The following NUP210 variants were observed in gnomAD, a reference collection of about 807,000 sequenced individuals.
NUP210 encodes nucleoporin 210.
In NUP210, 151 loss-of-function variants were observed where a neutral mutation model predicts 196.0. The observed-to-expected ratio is 0.77, with a 90% confidence interval of 0.67 to 0.88. NUP210 has a LOEUF of 0.88. Ranked by LOEUF, NUP210 falls within the 40% of genes least tolerant of loss-of-function variation. NUP210 has a pLI of 0.00. For synonymous variants in NUP210, 1,070 were observed against 1,052.7 expected, an observed-to-expected ratio of 1.02 and a Z score of -0.32; for missense variants, 2,314 against 2,493.7, an observed-to-expected ratio of 0.93 and a Z score of 1.53.
At position 13,373,828 on chromosome 3, in the gene NUP210, G is replaced by A. The variant is rs761795857; in HGVS notation, c.1477C>T (p.Leu493=). 23 of 1,614,066 alleles carry A rather than the reference G, an allele frequency of 1.4e-5. No homozygotes were observed. The highest frequency in any genetic ancestry group is 1.9e-5 in the Non-Finnish European group (23 of 1,179,976). ...GNFSWSSSSH[L]VATVTVKGVM... The stretch of plus-strand genomic sequence containing the variant: ...CCCTTGACAGTAACTGTGGCAACCA[G>A]GTGGCTTGACGAAGACCAGCTGAAG... Residue 493 remains leucine, a synonymous_variant, in exon 12 of 40, where the codon CTG becomes TTG. Coordinates refer to ENST00000254508, the MANE Select transcript of NUP210 (RefSeq NM_024923.4).
intron 1 of NUP210, 102 bp downstream of exon 1, chr3:13,419,958 C>A (rs1477980022): frequency 1.6e-5 from 12 of 745,236 alleles, no homozygotes; most frequent in Non-Finnish European, 1.7e-5. Context: ...GAGCGCGCCG[C>A]GCACCTGCCG....
chr3:13,347,399 G>T lies in NUP210; in HGVS notation c.2836-4096C>A. 1.1e-6 allele frequency: 1 copy of T among 919,722 alleles called. No individual in the cohort carries two copies. The highest frequency in any genetic ancestry group is 1.3e-6 in the Non-Finnish European group (1 of 770,216). 57.0% of individuals were successfully genotyped at this position (919,722 alleles called of 1,614,324 possible). On this transcript the variant is annotated intron_variant, in intron 20 of 39. Coordinates refer to ENST00000254508, the MANE Select transcript of NUP210 (RefSeq NM_024923.4). This position sits in a 1 kb window ranked among gnomAD's most constrained non-coding sequence, Gnocchi z 4.7. ...TTGAAATGTAAAGAATCGTTGAAAA[G>T]AAGGAAAACTTAGGCTTAAATCGGA... is the stretch of plus-strand genomic sequence containing the variant.
At position 13,340,028 on chromosome 3, in the gene NUP210, G is replaced by A. The variant is rs746720631; in HGVS notation, c.3297C>T (p.Thr1099=). ...TLLIGATMQV[T]SEGGPQPQSN... ...ACTGAGGCTGGGGGCCGCCCTCGGA[G>A]GTGACCTGAGCGGGGAGGAAACAGC... Residue 1099 remains threonine, a synonymous_variant, in exon 25 of 40, where the codon ACC becomes ACT. Transcript: ENST00000254508. This position sits in a 1 kb window ranked among gnomAD's most constrained non-coding sequence, Gnocchi z 4.0. 12 of 1,613,658 alleles carry A rather than the reference G, an allele frequency of 7.4e-6. No homozygotes were observed. The East Asian group carries it at 2.7e-4, about 36-fold the overall frequency.
chr3:13,406,964 G>C (rs775795881), intron 1 of NUP210, among the ~76,000 whole-genome samples: 3 of 151,796 alleles, frequency 2.0e-5, no homozygotes, highest in Non-Finnish European at 4.4e-5. Flanking sequence ...TGGCTCACTC[G>C]GTTCTCTCAT....
chr3:13,399,692 C>A, intron 2 of NUP210, 33 bp downstream of exon 2: 1 of 1,613,744 alleles, frequency 6.2e-7, no homozygotes, highest in Non-Finnish European at 8.5e-7. Context: ...CTCTGGCTCC[C>A]ACCGGGGATC....
chr3:13,420,320 G>C lies in NUP210; in HGVS notation c.-94C>G. 1 of 820,856 alleles carries C rather than the reference G, an allele frequency of 1.2e-6. No individual in the cohort carries two copies. Among genetic ancestry groups the C allele is most frequent in the Non-Finnish European group, 1.5e-6 (1 of 677,358 alleles). The allele number at this position is 820,856 out of a possible 1,614,324, so 50.8% of individuals were successfully genotyped here. Reference sequence around the variant, plus strand: ...CGCCCGCGCGCGCGCCAGGCCAGCAGGTGATGAGCGCGGGGGCGGGGCGAG... The same window carrying C: ...CGCCCGCGCGCGCGCCAGGCCAGCACGTGATGAGCGCGGGGGCGGGGCGAG... On this transcript the variant is annotated 5_prime_UTR_variant, in exon 1 of 40. Transcript: ENST00000254508. This position sits in a 1 kb window ranked among gnomAD's most constrained non-coding sequence, Gnocchi z 4.8.
At chr3:13,338,089 C>T (rs1697301394) in intron 25 of NUP210, among the ~76,000 whole-genome samples, 172 bp from the exon 26 acceptor site, 1 of 152,178 alleles carries the variant, frequency 6.6e-6, no homozygotes, top group African/African-American at 2.4e-5. Flanking sequence ...TTGTGAGTGG[C>T]TCTCCCCTCA....
intron 1 of NUP210, among the ~76,000 whole-genome samples, chr3:13,415,632 TG>T (rs1376336778): frequency 6.6e-6 from 1 of 152,160 alleles, no homozygotes; most frequent in Non-Finnish European, 1.5e-5. Context: ...AAGAGCAAAC[TG>T]GGGGCCTCCC....
intron 9 of NUP210, 108 bp downstream of exon 9, chr3:13,377,348 G>A (rs1310515392): frequency 1.3e-5 from 10 of 764,720 alleles, no homozygotes; most frequent in East Asian, 7.9e-5. Flanking sequence ...ACCCCTCCTC[G>A]GTCAGCCTGC....
intron 2 of NUP210, among the ~76,000 whole-genome samples, chr3:13,398,348 CAGA>C (rs1699732915): frequency 6.6e-6 from 1 of 152,042 alleles, no homozygotes; most frequent in Admixed American, 6.5e-5. Flanking sequence ...GAGGCTGAGG[CAGA>C]AGAATTGCTT....
intron 14 of NUP210, among the ~76,000 whole-genome samples, chr3:13,363,044 A>T (rs933812851): frequency 3.3e-5 from 5 of 152,140 alleles, no homozygotes; most frequent in Non-Finnish European, 2.9e-5. Flanking sequence ...TAATGTCTAC[A>T]AGGCTGTTTC....
chr3:13,379,084 G>A lies in NUP210; in HGVS notation c.977-104C>T. ...CCTGATCATCAAGACATCACATGGA[G>A]AGAAGAAGAGGGGATGAAAACTCCC... On this transcript the variant is annotated intron_variant, in intron 7 of 39. Transcript: ENST00000254508. This position sits in a 1 kb window ranked among gnomAD's most constrained non-coding sequence, Gnocchi z 4.2. 1.0e-6 allele frequency: 1 copy of A among 973,080 alleles called. No individual in the cohort carries two copies. The highest frequency in any genetic ancestry group is 1.7e-6 in the Non-Finnish European group (1 of 603,344). The allele number at this position is 973,080 out of a possible 1,614,324, so 60.3% of individuals were successfully genotyped here. A position where few individuals can be genotyped will look rare whatever the true frequency, so the allele number is the denominator to read the frequency against.
chr3:13,329,780 G>A (rs1369228587), intron 30 of NUP210, among the ~76,000 whole-genome samples: 1 of 152,198 alleles, frequency 6.6e-6, no homozygotes, highest in Non-Finnish European at 1.5e-5. Flanking sequence ...AAAACCCCAG[G>A]ACCTGACCCA....
At position 13,348,174 on chromosome 3, in the gene NUP210, G is replaced by A. The variant is rs983666852; in HGVS notation, c.2835+3705C>T. 1 of 155,902 alleles carries A rather than the reference G, an allele frequency of 6.4e-6. No individual in the cohort carries two copies. The highest frequency in any genetic ancestry group is 1.9e-4 in the East Asian group (1 of 5,190). The allele number at this position is 155,902 out of a possible 1,614,324, so 9.7% of individuals were successfully genotyped here. ...GCACTCCTAGAATTGCAGCATTTTA[G>A]GATTCAAGAGGGGTTTAAAGGTCTC... is the stretch of plus-strand genomic sequence containing the variant. On this transcript the variant is annotated intron_variant, in intron 20 of 39. Coordinates refer to ENST00000254508, the MANE Select transcript of NUP210 (RefSeq NM_024923.4). This position sits in a 1 kb window ranked among gnomAD's most constrained non-coding sequence, Gnocchi z 4.0.
intron 16 of NUP210, among the ~76,000 whole-genome samples, chr3:13,357,566 G>A (rs1017094856): frequency 2.0e-5 from 3 of 152,096 alleles, no homozygotes; most frequent in Non-Finnish European, 2.9e-5. Flanking sequence ...CTCTGAAAAG[G>A]GGCTGGGGGC....
intron 8 of NUP210, 23 bp downstream of exon 8, chr3:13,378,889 G>A (rs1427265211): frequency 1.3e-6 from 2 of 1,572,938 alleles, no homozygotes; most frequent in Non-Finnish European, 1.8e-6. Flanking sequence ...GCATCCATGA[G>A]GGCCCAGGAG....
intron 6 of NUP210, among the ~76,000 whole-genome samples, chr3:13,381,489 T>G (rs6783861): frequency 0.58 from 86,778 of 149,366 alleles, 26,420 homozygotes; most frequent in African/African-American, 0.77. Flanking sequence ...CTTTCTTAGG[T>G]GCAATCACAG....
In NUP210 at chr3:13,376,557, G is replaced by C; in HGVS notation, c.1153-126C>G. ...AGGCCAAGGGGCCCCCTGGGGCTCA[G>C]CAGCCTCCACTAGCAGCAGACGGGT... On this transcript the variant is annotated intron_variant, in intron 9 of 39. Coordinates refer to ENST00000254508, the MANE Select transcript of NUP210 (RefSeq NM_024923.4). 7 of 976,928 alleles carry C rather than the reference G, an allele frequency of 7.2e-6. No individual in the cohort carries two copies. The South Asian group carries it at 1.1e-4, about 15-fold the overall frequency. 60.5% of individuals were successfully genotyped at this position (976,928 alleles called of 1,614,324 possible).
Position 13,342,133 on chromosome 3 carries a change from G to A in NUP210, c.2965-10C>T, listed in dbSNP as rs1181832592. On this transcript the variant is annotated splice_polypyrimidine_tract_variant and intron_variant, in intron 21 of 39. Transcript: ENST00000254508. ...TCTTCCCAATCTCCACCTGCATCAT[G>A]GGGACAGAGGTTCAGGGGCAGCCTC... 3.7e-6 allele frequency: 6 copies of A among 1,613,724 alleles called. No homozygotes were observed. Among genetic ancestry groups the A allele is most frequent in the Non-Finnish European group, 5.1e-6 (6 of 1,179,834 alleles).
Sources: gnomAD v4.1 joint callset for allele counts (sites outside exome capture counted in the v4.1 genomes callset) on GRCh38, gnomAD v4.1.1 for gene constraint, Gnocchi (gnomAD v3.1) non-coding constraint, MANE v1.5 for transcripts, NCBI Gene and HGNC (gene_info 2026-07-23, HGNC 2026-07-21) for gene names.